Variants in TRANK1 observed in about 807,000 individuals in gnomAD.
TRANK1 encodes tetratricopeptide repeat and ankyrin repeat containing 1, also known as TPR and ankyrin repeat-containing protein 1.
In TRANK1, 198 loss-of-function variants were observed where a neutral mutation model predicts 266.0. The ratio of observed to expected loss-of-function variants is 0.74; its 90% confidence interval spans 0.66 to 0.84. The LOEUF (loss-of-function observed/expected upper bound fraction) is 0.84. Ranked by LOEUF, TRANK1 falls within the 40% of genes least tolerant of loss-of-function variation. The pLI, the probability that TRANK1 is intolerant of heterozygous loss-of-function variation, is 0.00. For missense variants in TRANK1, 3,326 were observed against 3,634.6 expected (o/e 0.92, Z 2.18); for synonymous variants, 1,396 against 1,384.1 (o/e 1.01, Z -0.19).
intron 3 of TRANK1, among the ~76,000 whole-genome samples, chr3:36,900,955 T>A: frequency 6.6e-6 from 1 of 151,582 alleles, no homozygotes; most frequent in East Asian, 1.9e-4. Context: ...TTCTGGCTAT[T>A]TAATGATTTG....
At chr3:36,903,305 G>A in intron 2 of TRANK1, 30 bp from the exon 3 acceptor site, 1 of 1,530,950 alleles carries the variant, frequency 6.5e-7, no homozygotes, top group South Asian at 1.2e-5. Flanking sequence ...GTCTGTCATG[G>A]TTCTGCAAAT....
At chr3:36,927,656 C>G (rs1034542879) in intron 1 of TRANK1, among the ~76,000 whole-genome samples, 1 of 152,212 alleles carries the variant, frequency 6.6e-6, no homozygotes, top group Non-Finnish European at 1.5e-5. Context: ...TTTCTCTGCA[C>G]GCCACTGGCC....
chr3:36,921,447 T>A lies in TRANK1; in HGVS notation c.24-12993A>T, dbSNP rs146678458. Among the ~76,000 whole-genome samples, 193 of 152,358 alleles carry A rather than the reference T, an allele frequency of 1.3e-3. 1 individual carries two copies. The highest frequency in any genetic ancestry group is 4.5e-3 in the African/African-American group (187 of 41,588). ...CGGCACCGAAAATTTATTTGTAACATTCTCACAGAATCAGAAGTAAGGGAG... is the reference window on the plus strand; with the variant it reads ...CGGCACCGAAAATTTATTTGTAACAATCTCACAGAATCAGAAGTAAGGGAG... On this transcript the variant is annotated intron_variant, in intron 1 of 23. Coordinates refer to ENST00000645898, the MANE Select transcript of TRANK1 (RefSeq NM_001329998.2).
intron 11 of TRANK1, among the ~76,000 whole-genome samples, chr3:36,859,276 T>C (rs1278366614): frequency 6.6e-6 from 1 of 151,958 alleles, no homozygotes; most frequent in Non-Finnish European, 1.5e-5. Context: ...GCTTCTTTTT[T>C]TTTTTTTTAA....
intron 11 of TRANK1, 72 bp downstream of exon 11, chr3:36,860,834 G>T (rs1559435954): frequency 3.3e-6 from 5 of 1,507,440 alleles, no homozygotes; most frequent in Admixed American, 4.1e-5. Context: ...GGGAAAGGCA[G>T]GCAGTGGCCT....
chr3:36,886,970 A>G (rs983194424), intron 8 of TRANK1, among the ~76,000 whole-genome samples: 1 of 143,974 alleles, frequency 6.9e-6, no homozygotes, highest in Non-Finnish European at 1.5e-5. Flanking sequence ...GCAGTGGCGC[A>G]ATCTCAGCTC....
At chr3:36,925,614 G>A (rs1269671248) in intron 1 of TRANK1, among the ~76,000 whole-genome samples, 3 of 146,070 alleles carry the variant, frequency 2.1e-5, no homozygotes. Context: ...TTTTTGAGAC[G>A]GAGTCTCGCT....
At chr3:36,879,755 T>TA (rs2079463644) in intron 8 of TRANK1, among the ~76,000 whole-genome samples, 1 of 104,812 alleles carries the variant, frequency 9.5e-6, no homozygotes, top group African/African-American at 4.3e-5. Context: ...TATATAAATA[T>TA]ATATAAATAT....
intron 10 of TRANK1, 74 bp downstream of exon 10, chr3:36,864,245 G>C: frequency 7.3e-7 from 1 of 1,369,194 alleles, no homozygotes; most frequent in Non-Finnish European, 9.6e-7. Flanking sequence ...ATTAATTTCT[G>C]AACAGATATT....
intron 7 of TRANK1, among the ~76,000 whole-genome samples, chr3:36,890,998 T>C (rs956908666): frequency 7.2e-5 from 11 of 152,230 alleles, no homozygotes; most frequent in Non-Finnish European, 1.6e-4. Flanking sequence ...TAGCTTTCAA[T>C]CAGGCTTTAC....
Position 36,931,409 on chromosome 3 carries a change from C to A in TRANK1, c.23+13378G>T, listed in dbSNP as rs566056653. Among the ~76,000 whole-genome samples the A allele has an allele frequency of 2.3e-3, 343 of 152,264 alleles. 4 individuals carry two copies. Among genetic ancestry groups the A allele is most frequent in the Non-Finnish European group, 4.3e-3 (295 of 68,016 alleles). Reference sequence around the variant, plus strand: ...GAAGAGAGGGGCTGAATAAGAATATCTATTAATATTTGCAACCAAGTACAG... The same window carrying A: ...GAAGAGAGGGGCTGAATAAGAATATATATTAATATTTGCAACCAAGTACAG... On this transcript the variant is annotated intron_variant, in intron 1 of 23. Coordinates refer to ENST00000645898, the MANE Select transcript of TRANK1 (RefSeq NM_001329998.2).
At chr3:36,872,664 G>A (rs2079326534) in intron 9 of TRANK1, among the ~76,000 whole-genome samples, 1 of 152,140 alleles carries the variant, frequency 6.6e-6, no homozygotes, top group African/African-American at 2.4e-5. Context: ...TGAATTTAAA[G>A]ATCTGGGAAG....
rs962866013 is a variant in TRANK1, at chr3:36,857,687, G to A, written c.2035C>T (p.Leu679Phe). ...KSTAPGHTSQ[L>F]KSQGSFKSVP... ...GACTTGAATGAACCCTGGGACTTGA[G>A]CTGAGATGTGTGACCAGGGGCAGTG... Residue 679 changes from leucine to phenylalanine, a missense_variant, in exon 13 of 24, where the codon CTC becomes TTC. Transcript: ENST00000645898. The surrounding 1 kb of genome is among the most constrained non-coding windows in gnomAD (Gnocchi z 4.3). The A allele has an allele frequency of 1.2e-6, 2 of 1,614,024 alleles. No homozygotes were observed. The highest frequency in any genetic ancestry group is 2.7e-5 in the African/African-American group (2 of 75,052).
intron 8 of TRANK1, among the ~76,000 whole-genome samples, chr3:36,882,492 T>C (rs929325527): frequency 6.6e-6 from 1 of 152,168 alleles, no homozygotes; most frequent in African/African-American, 2.4e-5. Flanking sequence ...TAGATTCTTA[T>C]AATAAACTAC....
At chr3:36,897,419 AT>A (rs1351329869) in intron 4 of TRANK1, among the ~76,000 whole-genome samples, 2 of 152,226 alleles carry the variant, frequency 1.3e-5, no homozygotes, top group Non-Finnish European at 2.9e-5. Flanking sequence ...ATCAGCACCT[AT>A]CTAGAGACTT....
chr3:36,828,437 AGAAGGAAGGAAG>A (rs10590354), intron 23 of TRANK1, 62 bp from the exon 24 acceptor site: 1 of 833,136 alleles, frequency 1.2e-6, no homozygotes, highest in Non-Finnish European at 2.0e-6. Context: ...AGGGAAGGAA[AGAAGGAAGGAAG>A]GAAGGAAGGA....
chr3:36,910,292 A>G (rs1447900014), intron 1 of TRANK1, among the ~76,000 whole-genome samples: 1 of 152,268 alleles, frequency 6.6e-6, no homozygotes, highest in Non-Finnish European at 1.5e-5. Flanking sequence ...GACACTGCTT[A>G]CAGAGGAAAT....
At chr3:36,896,525 G>T (rs576857516) in intron 4 of TRANK1, among the ~76,000 whole-genome samples, 1 of 152,212 alleles carries the variant, frequency 6.6e-6, no homozygotes, top group Non-Finnish European at 1.5e-5. Context: ...CTTCCAAAAA[G>T]GAGTACTTTG....
Position 36,852,140 on chromosome 3 carries a change from G to C in TRANK1, c.4749+6C>G. 1 of 1,570,244 alleles carries C rather than the reference G, an allele frequency of 6.4e-7. No individual in the cohort carries two copies. The highest frequency in any genetic ancestry group is 1.2e-5 in the South Asian group (1 of 84,376). ...ATTTCAAAACATAAAATCCCAAGCA[G>C]CTCACCTGGTGGGCTCCAAATTCAA... On this transcript the variant is annotated splice_donor_region_variant and intron_variant, in intron 14 of 23. Coordinates refer to ENST00000645898, the MANE Select transcript of TRANK1 (RefSeq NM_001329998.2).
Sources: allele counts gnomAD v4.1 joint callset (sites outside exome capture counted in the v4.1 genomes callset), GRCh38; gene constraint gnomAD v4.1.1; non-coding constraint Gnocchi (gnomAD v3.1); transcripts MANE v1.5; gene names NCBI Gene and HGNC (gene_info 2026-07-23, HGNC 2026-07-21).